Variants in HDAC4 observed in about 807,000 individuals in gnomAD.
HDAC4 encodes histone deacetylase A.
A neutral mutation model predicts 135.1 loss-of-function variants in HDAC4; 16 were observed. The ratio of observed to expected loss-of-function variants is 0.12; its 90% CI spans 0.08 to 0.18. The LOEUF (loss-of-function observed/expected upper bound fraction) is 0.18, where lower values mean the gene tolerates loss of function less well. Among genes scored for constraint, HDAC4 ranks in the 10% least tolerant of loss-of-function variants. The probability of loss-of-function intolerance (pLI) is 1.00; values close to 1 mark genes in which losing one functional copy is unlikely to be tolerated. For missense variants in HDAC4, 1,143 were observed against 1,511.8 expected (o/e 0.76, Z 4.05); for synonymous variants, 685 against 653.4 (o/e 1.05, Z -0.74).
chr2:239,210,659 AG>A (rs1311660811), intron 3 of HDAC4, among the ~76,000 whole-genome samples: 1 of 152,202 alleles, frequency 6.6e-6, no homozygotes, highest in Non-Finnish European at 1.5e-5. Context: ...TTGTGACACA[AG>A]GTCCCCTTTA....
At chr2:239,282,605 A>T (rs2050858243) in intron 2 of HDAC4, among the ~76,000 whole-genome samples, 1 of 147,840 alleles carries the variant, frequency 6.8e-6, no homozygotes, top group African/African-American at 2.5e-5. Flanking sequence ...ACCACTCTGC[A>T]AACAATGTAC....
rs78303195 is a variant in HDAC4 at position 239,160,109 on chromosome 2, A to G, written c.612-3336T>C. On this transcript the variant is annotated intron_variant, in intron 6 of 26. Transcript: ENST00000543185. ...CATACGCCAGGATACTCCAGCAGAAATGTACCATGATGGGAGCCACATGTG... is the reference window on the plus strand; with the variant it reads ...CATACGCCAGGATACTCCAGCAGAAGTGTACCATGATGGGAGCCACATGTG... Among the ~76,000 whole-genome samples the G allele has an allele frequency of 4.7e-3, 718 of 152,378 alleles. 2 individuals are homozygous for G. Among genetic ancestry groups the G allele is most frequent in the Non-Finnish European group, 7.5e-3 (513 of 68,022 alleles).
At chr2:239,208,348 A>G (rs1464967552) in intron 3 of HDAC4, among the ~76,000 whole-genome samples, 45 of 146,876 alleles carry the variant, frequency 3.1e-4, no homozygotes, top group African/African-American at 1.1e-3. Context: ...AAAAAAAAAA[A>G]AAAGAAAACA....
At chr2:239,179,429 G>A (rs891905899) in intron 4 of HDAC4, among the ~76,000 whole-genome samples, 5 of 152,182 alleles carry the variant, frequency 3.3e-5, no homozygotes, top group African/African-American at 1.2e-4. Flanking sequence ...ATTCTCACAG[G>A]AGTGTGATCC....
chr2:239,126,807 G>A, intron 11 of HDAC4, 113 bp from the exon 12 acceptor site: 1 of 1,199,828 alleles, frequency 8.3e-7, no homozygotes. Flanking sequence ...GCCAGCCCAG[G>A]CGTTCTGCCC....
At chr2:239,254,497 A>T (rs2048951838) in intron 2 of HDAC4, among the ~76,000 whole-genome samples, 1 of 152,182 alleles carries the variant, frequency 6.6e-6, no homozygotes, top group Non-Finnish European at 1.5e-5. Flanking sequence ...AGAAGTTTTT[A>T]AAAAGAATTA....
chr2:239,339,560 A>C (rs1692166867), intron 2 of HDAC4, among the ~76,000 whole-genome samples: 1 of 152,214 alleles, frequency 6.6e-6, no homozygotes, highest in South Asian at 2.1e-4. Flanking sequence ...ACGGAGACCT[A>C]CGTTGTTCTT....
chr2:239,364,104 G>A (rs1694018845), intron 1 of HDAC4, among the ~76,000 whole-genome samples: 1 of 152,180 alleles, frequency 6.6e-6, no homozygotes, highest in African/African-American at 2.4e-5. Flanking sequence ...ACTCACACAC[G>A]AGGTTACAAA....
chr2:239,192,063 C>T (rs901263052), intron 3 of HDAC4, among the ~76,000 whole-genome samples: 4 of 152,196 alleles, frequency 2.6e-5, no homozygotes, highest in African/African-American at 7.2e-5. Context: ...AATTGGGTGT[C>T]GACTTTGACA....
intron 3 of HDAC4, among the ~76,000 whole-genome samples, chr2:239,196,373 A>C (rs764719294): frequency 7.7e-4 from 117 of 152,144 alleles, no homozygotes; most frequent in Non-Finnish European, 2.5e-4. Context: ...TTCAAACCAC[A>C]TGCACCCCCT....
intron 2 of HDAC4, among the ~76,000 whole-genome samples, chr2:239,255,587 A>G (rs1453517226): frequency 6.6e-6 from 1 of 152,176 alleles, no homozygotes; most frequent in African/African-American, 2.4e-5. Flanking sequence ...AATTGTACGC[A>G]CAGGCACCAA....
In HDAC4 at chr2:239,140,361, G is replaced by A. The variant is rs149150015; in HGVS notation, c.866-565C>T. On this transcript the variant is annotated intron_variant, in intron 8 of 26. Coordinates refer to ENST00000543185, the MANE Select transcript of HDAC4 (RefSeq NM_001378414.1). ...TTAGAGGATCTTTAACCATCGGTGC[G>A]GCTTGACCCTGGTTAATGAGACCAG... Among the ~76,000 whole-genome samples the A allele has an allele frequency of 6.8e-4, 104 of 152,220 alleles. 1 individual carries two copies. In the East Asian group the frequency reaches 0.018, roughly 26 times the overall value.
At chr2:239,295,341 A>G (rs2051818675) in intron 2 of HDAC4, among the ~76,000 whole-genome samples, 1 of 149,436 alleles carries the variant, frequency 6.7e-6, no homozygotes, top group South Asian at 2.1e-4. Flanking sequence ...AAAGATGATT[A>G]TAGTAAACTG....
intron 16 of HDAC4, chr2:239,102,504 A>T (rs922542261): frequency 4.4e-6 from 2 of 454,966 alleles, no homozygotes; most frequent in African/African-American, 4.0e-5. Context: ...CTGTGTTCCT[A>T]ATCAGCCTCT....
At chr2:239,287,245 T>C (rs1305097816) in intron 2 of HDAC4, among the ~76,000 whole-genome samples, 2 of 152,330 alleles carry the variant, frequency 1.3e-5, no homozygotes, top group East Asian at 3.9e-4. Context: ...CCTTCCTTTA[T>C]CCTCCTGACT....
At position 239,331,482 on chromosome 2, in the gene HDAC4, A is replaced by G. The variant is rs1691568349; in HGVS notation, c.22+21196T>C. ...CAGTCCACTTTAAAATATGCCCAAC[A>G]GTTATTTTACTGCAACATAAAGATG... On this transcript the variant is annotated intron_variant, in intron 2 of 26. Transcript: ENST00000543185. This position sits in a 1 kb window ranked among gnomAD's most constrained non-coding sequence, Gnocchi z 4.5. 6.6e-6 allele frequency among the ~76,000 whole-genome samples: 1 copy of G among 152,198 alleles called. No individual in the cohort carries two copies. Among genetic ancestry groups the G allele is most frequent in the Non-Finnish European group, 1.5e-5 (1 of 68,020 alleles).
chr2:239,124,671 C>A (rs1478188390), intron 12 of HDAC4, among the ~76,000 whole-genome samples: 1 of 152,246 alleles, frequency 6.6e-6, no homozygotes, highest in African/African-American at 2.4e-5. Flanking sequence ...TTCCGGTGTG[C>A]CGGCGTGTGG....
chr2:239,216,327 T>G (rs982185123), intron 3 of HDAC4, among the ~76,000 whole-genome samples: 4 of 143,858 alleles, frequency 2.8e-5, no homozygotes, highest in Non-Finnish European at 6.2e-5. Context: ...AAAAAAAAAA[T>G]AAAAGAAAAA....
Position 239,134,395 on chromosome 2 carries a change from G to T in HDAC4, c.1144C>A (p.Gln382Lys). ...CCGGGGAAAAGGGAGAGCCTCTGCT[G>T]GAGGGCGGGAAGGGTGAGTCTCTCG... The part of the protein sequence containing the change: ...DAERLTLPAL[Q>K]QRLSLFPGTH... Residue 382 changes from glutamine to lysine, a missense_variant, in exon 11 of 27, where the codon CAG (glutamine) becomes AAG (lysine). This residue lies in a region of HDAC4 where 272 missense variants were observed against 309.7 expected (regional missense o/e 0.88). Coordinates refer to ENST00000543185, the MANE Select transcript of HDAC4 (RefSeq NM_001378414.1). 6.2e-7 allele frequency: 1 copy of T among 1,613,898 alleles called. No homozygotes were observed. The highest frequency in any genetic ancestry group is 8.5e-7 in the Non-Finnish European group (1 of 1,179,946).
Sources: allele counts gnomAD v4.1 joint callset (sites outside exome capture counted in the v4.1 genomes callset), GRCh38; gene constraint gnomAD v4.1.1; regional missense constraint gnomAD v4.1.1; non-coding constraint Gnocchi (gnomAD v3.1); transcripts MANE v1.5; gene names NCBI Gene and HGNC (gene_info 2026-07-23, HGNC 2026-07-21).